The following MARCHF7 variants were observed in gnomAD, a reference collection of about 807,000 sequenced individuals.
MARCHF7 encodes E3 ubiquitin-protein ligase MARCHF7.
In MARCHF7, 20 loss-of-function variants were observed where a neutral mutation model predicts 76.5. The ratio of observed to expected loss-of-function variants is 0.26; its 90% confidence interval spans 0.18 to 0.38. MARCHF7 has a LOEUF of 0.38. Ranked by LOEUF, MARCHF7 falls within the 10% of genes least tolerant of loss-of-function variation. The pLI is 1.00. For missense variants in MARCHF7, 797 were observed against 812.9 expected (o/e 0.98, Z 0.24); for synonymous variants, 295 against 293.0 (o/e 1.01, Z -0.07).
In MARCHF7 at chr2:159,748,179, C is replaced by A; in HGVS notation, c.889C>A (p.Arg297=). The A allele has an allele frequency of 6.2e-7, 1 of 1,610,764 alleles. No homozygotes were observed. The highest frequency in any genetic ancestry group is 8.5e-7 in the Non-Finnish European group (1 of 1,179,142). Residue 297 remains arginine (R), a synonymous_variant, in exon 7 of 12, where the codon CGA becomes AGA. Transcript: ENST00000409175. ...ASSMSSTFFS[R]RSSQDSLNTR... ...TAGCATGTCATCTACTTTTTTTTCACGAAGATCTAGTCAGGATTCCTTGAA... is the reference window on the plus strand; with the variant it reads ...TAGCATGTCATCTACTTTTTTTTCAAGAAGATCTAGTCAGGATTCCTTGAA...
At position 159,759,277 on chromosome 2, in the gene MARCHF7, A is replaced by G. The variant is rs1706712978; in HGVS notation, c.1835A>G (p.Glu612Gly). The change falls in exon 9 of 12, where the codon GAG (glutamate) becomes GGG (glycine). Residue 612 changes from glutamate to glycine, a missense_variant. Glu to Gly is a moderately conservative substitution (Grantham distance 98). Around this residue, in one of 3 missense-constraint regions of MARCHF7, gnomAD observed 124 missense variants for 121.3 expected, o/e 1.02. Coordinates refer to ENST00000409175, the MANE Select transcript of MARCHF7 (RefSeq NM_001282805.2). ...TGTGAACTATGTAAAGAGAAGTTGGAGCTTAACCTGGAGGATTTTGATATT... is the reference window on the plus strand; with the variant it reads ...TGTGAACTATGTAAAGAGAAGTTGGGGCTTAACCTGGAGGATTTTGATATT... Reference protein sequence around the residue: ...TTCELCKEKLELNLEDFDIHE... With the variant: ...TTCELCKEKLGLNLEDFDIHE... 3.1e-6 allele frequency: 5 copies of G among 1,612,330 alleles called. No homozygotes were observed. The African/African-American group carries it at 4.0e-5, about 13-fold the overall frequency.
At chr2:159,736,312 G>T (rs747634862) in intron 4 of MARCHF7, among the ~76,000 whole-genome samples, 49 of 152,124 alleles carry the variant, frequency 3.2e-4, no homozygotes, top group Non-Finnish European at 6.5e-4. Context: ...ATCCCAATGG[G>T]TATGAAGTGG....
chr2:159,737,047 T>C (rs2125485438), intron 4 of MARCHF7, among the ~76,000 whole-genome samples: 1 of 152,312 alleles, frequency 6.6e-6, no homozygotes, highest in African/African-American at 2.4e-5. Flanking sequence ...GTTACCTGTC[T>C]GGGTAGAGAC....
Position 159,747,984 on chromosome 2 carries a change from G to C in MARCHF7, c.694G>C (p.Glu232Gln), listed in dbSNP as rs751285672. The change falls in exon 7 of 12, where the codon GAA (glutamate) becomes CAA (glutamine). Residue 232 changes from glutamate to glutamine, a missense_variant. Glu to Gln is a conservative substitution (Grantham distance 29). This residue lies in a region of MARCHF7 where 643 missense variants were observed against 631.5 expected (regional missense o/e 1.02). Transcript: ENST00000409175. ...LRSNFSSRES[E>Q]SSRSNTQPGF... The stretch of plus-strand genomic sequence containing the variant: ...ATCAAATTTTTCTTCAAGAGAATCA[G>C]AATCTTCCCGAAGCAATACGCAGCC... 21 of 1,614,040 alleles carry C rather than the reference G, an allele frequency of 1.3e-5. No individual in the cohort carries two copies. The highest frequency in any genetic ancestry group is 1.8e-5 in the Non-Finnish European group (21 of 1,179,976).
Position 159,748,872 on chromosome 2 carries a change from G to C in MARCHF7, c.1582G>C (p.Asp528His). ...TAAAACTAAAAGTGCGCCTTCAAGA[G>C]ATCCAGAAAGATTGCAGAAAATAAA... ...SDKTKSAPSR[D>H]PERLQKIKES... Residue 528 changes from aspartate to histidine, a missense_variant, in exon 7 of 12, where the codon GAT (aspartate) becomes CAT (histidine). By Grantham distance (81) the Asp-to-His change is moderately conservative. Coordinates refer to ENST00000409175, the MANE Select transcript of MARCHF7 (RefSeq NM_001282805.2). 1 of 1,607,888 alleles carries C rather than the reference G, an allele frequency of 6.2e-7. No individual in the cohort carries two copies. Among genetic ancestry groups the C allele is most frequent in the Non-Finnish European group, 8.5e-7 (1 of 1,177,658 alleles).
chr2:159,742,537 C>T (rs888356321), intron 4 of MARCHF7, among the ~76,000 whole-genome samples: 1 of 135,984 alleles, frequency 7.4e-6, no homozygotes, highest in African/African-American at 2.7e-5. Flanking sequence ...TGTTTCATAA[C>T]CAAGTGTTTA....
At position 159,748,672 on chromosome 2, in the gene MARCHF7, G is replaced by A. The variant is rs1233837126; in HGVS notation, c.1382G>A (p.Gly461Asp). Residue 461 changes from glycine (G) to aspartate (D), a missense_variant, in exon 7 of 12, where the codon GGC becomes GAC. Transcript: ENST00000409175. ...GCATCAAGCAGTGCCACAACAGGTG[G>A]CTCTACATCAGATTCGGCTCAAGGT... ...SAASSSATTGGSTSDSAQGGR... is the reference protein window; with the variant it reads ...SAASSSATTGDSTSDSAQGGR... 1.2e-6 allele frequency: 2 copies of A among 1,614,174 alleles called. No individual in the cohort carries two copies.
chr2:159,757,900 A>G (rs1183329945), intron 8 of MARCHF7, among the ~76,000 whole-genome samples: 1 of 152,188 alleles, frequency 6.6e-6, no homozygotes, highest in Non-Finnish European at 1.5e-5. Flanking sequence ...GAGACAGCAT[A>G]CTTCTTCAGA....
At chr2:159,764,426 A>G (rs1008404060) in intron 10 of MARCHF7, among the ~76,000 whole-genome samples, 200 bp from the exon 11 acceptor site, 1 of 152,074 alleles carries the variant, frequency 6.6e-6, no homozygotes, top group East Asian at 1.9e-4. Context: ...TTTCTACATG[A>G]TTATAAAGAT....
chr2:159,736,277 C>T (rs976466708), intron 4 of MARCHF7, among the ~76,000 whole-genome samples: 7 of 152,218 alleles, frequency 4.6e-5, no homozygotes, highest in Admixed American at 4.6e-4. Context: ...CTCATCAGCA[C>T]TTATCTTACT....
Position 159,756,189 on chromosome 2 carries a change from A to G in MARCHF7, c.1784-3037A>G, listed in dbSNP as rs115204271. 5.3e-3 allele frequency among the ~76,000 whole-genome samples: 805 copies of G among 152,330 alleles called. 10 individuals carry two copies. Among genetic ancestry groups the G allele is most frequent in the South Asian group, 6.0e-3 (29 of 4,828 alleles). On this transcript the variant is annotated intron_variant, in intron 8 of 11. Coordinates refer to ENST00000409175, the MANE Select transcript of MARCHF7 (RefSeq NM_001282805.2). ...ACAACAACTTGACTCAACTTCTGAT[A>G]CACACAATTGAATTATTAGTGCTGG... is the stretch of plus-strand genomic sequence containing the variant.
intron 8 of MARCHF7, among the ~76,000 whole-genome samples, chr2:159,752,777 T>G (rs1227386665): frequency 6.6e-6 from 1 of 152,350 alleles, no homozygotes; most frequent in African/African-American, 2.4e-5. Context: ...CCTACCAAAC[T>G]GTTTACTACT....
At position 159,745,902 on chromosome 2, in the gene MARCHF7, A is replaced by G. The variant is rs1410596552; in HGVS notation, c.479A>G (p.Tyr160Cys). The G allele has an allele frequency of 6.2e-7, 1 of 1,611,544 alleles. No homozygotes were observed. The highest frequency in any genetic ancestry group is 1.7e-5 in the Admixed American group (1 of 59,538). ...TCCTCTATTAGTAATCTTATGGATT[A>G]TAGTCACCGAAGTGGTGATTTCACA... is the stretch of plus-strand genomic sequence containing the variant. ...TDSSISNLMD[Y>C]SHRSGDFTTS... Residue 160 changes from tyrosine to cysteine, a missense_variant, in exon 6 of 12, where the codon TAT becomes TGT. Tyr to Cys is a radical substitution (Grantham distance 194, BLOSUM62 -2). This residue lies in a region of MARCHF7 where 643 missense variants were observed against 631.5 expected (regional missense o/e 1.02). Coordinates refer to ENST00000409175, the MANE Select transcript of MARCHF7 (RefSeq NM_001282805.2).
chr2:159,747,869 T>G lies in MARCHF7; in HGVS notation c.579T>G (p.Thr193=). ...GARPKENSMS[T]LQLNTSSTNH... is the part of the protein sequence containing the mutation. The stretch of plus-strand genomic sequence containing the variant: ...GACCAAAAGAAAACTCAATGAGCAC[T>G]TTACAGTTGAATACATCATCCACAA... Residue 193 remains threonine (T), a synonymous_variant, in exon 7 of 12, where the codon ACT becomes ACG. Coordinates refer to ENST00000409175, the MANE Select transcript of MARCHF7 (RefSeq NM_001282805.2). 6.2e-7 allele frequency: 1 copy of G among 1,613,992 alleles called. No homozygotes were observed. The highest frequency in any genetic ancestry group is 8.5e-7 in the Non-Finnish European group (1 of 1,179,954).
chr2:159,713,620 T>C (rs576340845), intron 1 of MARCHF7, among the ~76,000 whole-genome samples: 2 of 152,342 alleles, frequency 1.3e-5, no homozygotes, highest in Admixed American at 6.5e-5. Context: ...TATACAGTTA[T>C]TAAGAAGGCA....
chr2:159,742,978 T>G, intron 4 of MARCHF7, 83 bp from the exon 5 acceptor site: 2 of 1,190,866 alleles, frequency 1.7e-6, no homozygotes, highest in Non-Finnish European at 2.4e-6. Context: ...TTGATGCTTG[T>G]GGGAATTTAT....
At position 159,747,902 on chromosome 2, in the gene MARCHF7, A is replaced by G. The variant is rs1705099409; in HGVS notation, c.612A>G (p.Gln204=). 6 of 1,614,138 alleles carry G rather than the reference A, an allele frequency of 3.7e-6. No individual in the cohort carries two copies. The highest frequency in any genetic ancestry group is 2.2e-5 in the South Asian group (2 of 91,080). The part of the protein sequence containing the change: ...LQLNTSSTNH[Q]LPSEHQTILS... Reference sequence around the variant, plus strand: ...TGAATACATCATCCACAAACCACCAATTGCCTTCTGAACATCAGACCATAC... The same window carrying G: ...TGAATACATCATCCACAAACCACCAGTTGCCTTCTGAACATCAGACCATAC... The change falls in exon 7 of 12, where the codon CAA becomes CAG. Residue 204 remains glutamine (Q), a synonymous_variant. Transcript: ENST00000409175.
intron 3 of MARCHF7, among the ~76,000 whole-genome samples, chr2:159,723,356 C>T (rs1012282993): frequency 1.3e-5 from 2 of 152,090 alleles, no homozygotes; most frequent in East Asian, 1.9e-4. Flanking sequence ...TAAGAGACAG[C>T]GTAGGTACTA....
At chr2:159,735,865 A>G (rs186289518) in intron 4 of MARCHF7, among the ~76,000 whole-genome samples, 2 of 152,328 alleles carry the variant, frequency 1.3e-5, no homozygotes, top group South Asian at 4.1e-4. Context: ...ATGTTGGCTC[A>G]TGCCTGTAAT....
Sources: gnomAD v4.1 joint callset for allele counts (sites outside exome capture counted in the v4.1 genomes callset) on GRCh38, gnomAD v4.1.1 for gene constraint, gnomAD v4.1.1 regional missense constraint, MANE v1.5 for transcripts, NCBI Gene and HGNC (gene_info 2026-07-23, HGNC 2026-07-21) for gene names.